GABRG2: variants seen among roughly 807,000 people sequenced by gnomAD.
The protein encoded by GABRG2 is gamma-aminobutyric acid type A receptor subunit gamma2, also known as gamma-aminobutyric acid receptor subunit gamma-2.
In GABRG2, 16 loss-of-function variants were observed where a neutral mutation model predicts 56.4. The ratio of observed to expected loss-of-function variants is 0.28; its 90% CI spans 0.19 to 0.43. The LOEUF is 0.43. Among genes scored for constraint, GABRG2 ranks in the 20% least tolerant of loss-of-function variants. GABRG2 has a pLI of 1.00. For synonymous variants in GABRG2, 208 were observed against 205.5 expected, an observed-to-expected ratio of 1.01 and a Z score of -0.10; for missense variants, 327 against 582.7, an observed-to-expected ratio of 0.56 and a Z score of 4.52.
intron 6 of GABRG2, among the ~76,000 whole-genome samples, chr5:162,140,480 G>A (rs1352095431): frequency 6.6e-6 from 1 of 152,156 alleles, no homozygotes; most frequent in Non-Finnish European, 1.5e-5. Flanking sequence ...AAACTAGACT[G>A]AGTAGTAATA....
chr5:162,067,628 C>T (rs1758310711), upstream of GABRG2: 1 of 530,872 alleles, frequency 1.9e-6, no homozygotes, highest in African/African-American at 1.9e-5. Flanking sequence ...AGAGATGGAC[C>T]CAGGGGAGAA....
At chr5:162,142,509 T>A (rs1433611089) in intron 7 of GABRG2, 193 bp downstream of exon 7, 13 of 574,890 alleles carry the variant, frequency 2.3e-5, no homozygotes, top group South Asian at 7.4e-5. Flanking sequence ...CAAATGTCCA[T>A]CAATGATAGA....
In GABRG2 at chr5:162,149,284, A is replaced by G; in HGVS notation, c.1099A>G (p.Lys367Glu). Residue 367 changes from lysine to glutamate, a missense_variant, in exon 8 of 10, where the codon AAG (lysine) becomes GAG (glutamate). Transcript: ENST00000639213. ...TTTTGTCAGCAACCGGAAACCAAGC[A>G]AGGACAAAGATAAAAAGAAGAAAAA... ...HYFVSNRKPSKDKDKKKKNPL... is the reference protein window; with the variant it reads ...HYFVSNRKPSEDKDKKKKNPL... The G allele has an allele frequency of 6.2e-7, 1 of 1,614,176 alleles. No homozygotes were observed. The highest frequency in any genetic ancestry group is 8.5e-7 in the Non-Finnish European group (1 of 1,180,024).
intron 6 of GABRG2, among the ~76,000 whole-genome samples, chr5:162,111,143 C>T (rs1762223630): frequency 6.6e-6 from 1 of 152,088 alleles, no homozygotes; most frequent in African/African-American, 2.4e-5. Context: ...AATGTTTTTC[C>T]TTGATCAAGT....
At chr5:162,149,042 C>G in intron 7 of GABRG2, 66 bp from the exon 8 acceptor site, 2 of 1,419,302 alleles carry the variant, frequency 1.4e-6, no homozygotes, top group Non-Finnish European at 2.0e-6. Flanking sequence ...TGTAGTCTCA[C>G]GAGTGACTCA....
intron 7 of GABRG2, chr5:162,142,914 GA>G (rs1764691892): frequency 7.6e-6 from 1 of 132,012 alleles, no homozygotes; most frequent in Admixed American, 7.3e-5. Context: ...AAAAAAAAAA[GA>G]TTTTTTTACT....
intron 1 of GABRG2, among the ~76,000 whole-genome samples, chr5:162,087,138 A>G (rs956202726): frequency 3.2e-4 from 49 of 152,194 alleles, no homozygotes; most frequent in African/African-American, 1.0e-3. Context: ...TAATCCATAG[A>G]AAATGGACTC....
At chr5:162,084,372 C>G in intron 1 of GABRG2, among the ~76,000 whole-genome samples, 1 of 151,730 alleles carries the variant, frequency 6.6e-6, no homozygotes, top group Admixed American at 6.6e-5. Flanking sequence ...TTTCAGTTTA[C>G]CATGAAACAC....
chr5:162,136,699 T>C (rs1764156724), intron 6 of GABRG2, among the ~76,000 whole-genome samples: 1 of 152,180 alleles, frequency 6.6e-6, no homozygotes, highest in Admixed American at 6.5e-5. Flanking sequence ...AGATTACCCA[T>C]AGCCTTGATG....
At chr5:162,116,676 C>A (rs1762646070) in intron 6 of GABRG2, among the ~76,000 whole-genome samples, 1 of 151,850 alleles carries the variant, frequency 6.6e-6, no homozygotes, top group Non-Finnish European at 1.5e-5. Context: ...CTGTCACCAA[C>A]AATTAACAAT....
At chr5:162,149,687 TACTGCA>T (rs1427068608) in intron 8 of GABRG2, 3 of 536,256 alleles carry the variant, frequency 5.6e-6, no homozygotes, top group Non-Finnish European at 1.1e-5. Context: ...GATCTCGGCT[TACTGCA>T]ACCTCTGCCT....
At chr5:162,109,489 G>C (rs1322082496) in intron 6 of GABRG2, among the ~76,000 whole-genome samples, 3 of 148,422 alleles carry the variant, frequency 2.0e-5, no homozygotes, top group Admixed American at 6.8e-5. Context: ...TTACTCCTCA[G>C]TCCCTGACCC....
rs141421514 is a variant in GABRG2, at chr5:162,116,716, A to G, written c.769+12690A>G. ...TAATCCTTTATACTATACATGACTC[A>G]CCTACCTGGCCATGTCGGAGGGGCC... On this transcript the variant is annotated intron_variant, in intron 6 of 9. Coordinates refer to ENST00000639213, the MANE Select transcript of GABRG2 (RefSeq NM_198904.4). Among the ~76,000 whole-genome samples, 220 of 151,930 alleles carry G rather than the reference A, an allele frequency of 1.4e-3. 7 individuals carry two copies. Among genetic ancestry groups the G allele is most frequent in the African/African-American group, 5.1e-3 (211 of 41,334 alleles).
At chr5:162,090,360 G>A (rs901926806) in intron 1 of GABRG2, among the ~76,000 whole-genome samples, 2 of 132,404 alleles carry the variant, frequency 1.5e-5, no homozygotes, top group South Asian at 2.4e-4. Context: ...CATACATACA[G>A]GACCAGGAAT....
chr5:162,130,063 G>A (rs1437484381), intron 6 of GABRG2, among the ~76,000 whole-genome samples: 11 of 151,842 alleles, frequency 7.2e-5, no homozygotes, highest in Admixed American at 6.6e-5. Context: ...GAGAAGTTGA[G>A]CTTTTTCGAA....
chr5:162,153,288 G>A lies in GABRG2; in HGVS notation c.1348G>A (p.Asp450Asn). 1 of 1,614,012 alleles carries A rather than the reference G, an allele frequency of 6.2e-7. No individual in the cohort carries two copies. Among genetic ancestry groups the A allele is most frequent in the Non-Finnish European group, 8.5e-7 (1 of 1,179,962 alleles). ...GRIHIRIAKM[D>N]SYARIFFPTA... ...GATACATATCCGCATTGCCAAAATG[G>A]ACTCCTATGCTCGGATCTTCTTCCC... The change falls in exon 10 of 10, where the codon GAC (aspartate) becomes AAC (asparagine). Residue 450 changes from aspartate to asparagine, a missense_variant. Physicochemically the swap from Asp to Asn is conservative, Grantham distance 23. This residue lies in a region of GABRG2 where 108 missense variants were observed against 144.2 expected (regional missense o/e 0.75). Transcript: ENST00000639213.
At chr5:162,129,890 TA>T (rs1763609129) in intron 6 of GABRG2, among the ~76,000 whole-genome samples, 1 of 151,966 alleles carries the variant, frequency 6.6e-6, no homozygotes, top group Non-Finnish European at 1.5e-5. Context: ...ATCTATTATT[TA>T]ATTGAATTTG....
At chr5:162,109,420 A>ATATATATATTTATT (rs1424412323) in intron 6 of GABRG2, among the ~76,000 whole-genome samples, 26 of 116,124 alleles carry the variant, frequency 2.2e-4, no homozygotes, top group Admixed American at 4.4e-4. Flanking sequence ...ATATATATAT[A>ATATATATATTTATT]TATTTATTTA....
chr5:162,092,620 A>T (rs1384465669), intron 1 of GABRG2, among the ~76,000 whole-genome samples: 1 of 152,176 alleles, frequency 6.6e-6, no homozygotes, highest in African/African-American at 2.4e-5. Context: ...TACATTGTAC[A>T]TGTATATATA....
Sources: gnomAD v4.1 joint callset for allele counts (sites outside exome capture counted in the v4.1 genomes callset) on GRCh38, gnomAD v4.1.1 for gene constraint, gnomAD v4.1.1 regional missense constraint, MANE v1.5 for transcripts, NCBI Gene and HGNC (gene_info 2026-07-23, HGNC 2026-07-21) for gene names.